The following KCNQ5 variants were observed in gnomAD, a reference collection of about 807,000 sequenced individuals.
KCNQ5 encodes the protein potassium voltage-gated channel subfamily Q member 5.
A neutral mutation model predicts 98.2 loss-of-function variants in KCNQ5; 30 were observed. The ratio of observed to expected loss-of-function variants is 0.31; its 90% CI spans 0.23 to 0.41. The LOEUF (loss-of-function observed/expected upper bound fraction) is 0.41. KCNQ5 is among the 10% of genes least tolerant of loss of function. The pLI, the probability that KCNQ5 is intolerant of heterozygous loss-of-function variation, is 1.00. For synonymous variants in KCNQ5, 458 were observed against 449.4 expected (o/e 1.02, Z -0.24); for missense variants, 835 against 1,182.5 (o/e 0.71, Z 4.31).
intron 1 of KCNQ5, among the ~76,000 whole-genome samples, chr6:72,641,857 T>C (rs371086337): frequency 7.9e-5 from 12 of 151,900 alleles, no homozygotes; most frequent in African/African-American, 2.9e-4. Context: ...GCATTTCCTA[T>C]TTATCTGAGA....
rs1255181523 is a variant in KCNQ5, at chr6:73,077,363, A to G, written c.658A>G (p.Lys220Glu). 1 of 1,614,020 alleles carries G rather than the reference A, an allele frequency of 6.2e-7. No individual in the cohort carries two copies. The highest frequency in any genetic ancestry group is 8.5e-7 in the Non-Finnish European group (1 of 1,180,002). The change falls in exon 4 of 14, where the codon AAA becomes GAA. Residue 220 changes from lysine to glutamate, a missense_variant. Transcript: ENST00000370398. Reference sequence around the variant, plus strand: ...CGCTTCAATAGCAGTTGTTTCTGCAAAAACTCAGGGTAATATTTTTGCCAC... The same window carrying G: ...CGCTTCAATAGCAGTTGTTTCTGCAGAAACTCAGGGTAATATTTTTGCCAC... ...LIASIAVVSA[K>E]TQGNIFATSA...
intron 13 of KCNQ5, 61 bp downstream of exon 13, chr6:73,192,752 T>C: frequency 8.0e-6 from 11 of 1,367,946 alleles, no homozygotes; most frequent in South Asian, 1.6e-5. Flanking sequence ...AAATTTATTA[T>C]AGGCAATTGT....
chr6:73,182,381 T>C (rs1778433372), intron 11 of KCNQ5, among the ~76,000 whole-genome samples: 1 of 152,172 alleles, frequency 6.6e-6, no homozygotes, highest in African/African-American at 2.4e-5. Flanking sequence ...GTCTAGACTC[T>C]GAGTCGCTCT....
At chr6:73,003,538 T>G (rs1463726396) in intron 1 of KCNQ5, among the ~76,000 whole-genome samples, 1 of 152,136 alleles carries the variant, frequency 6.6e-6, no homozygotes, top group Non-Finnish European at 1.5e-5. Context: ...GAAGAGTGAC[T>G]GCAGTGTGGA....
At chr6:72,868,787 G>A (rs573552661) in intron 1 of KCNQ5, among the ~76,000 whole-genome samples, 1 of 152,282 alleles carries the variant, frequency 6.6e-6, no homozygotes, top group African/African-American at 2.4e-5. Context: ...CGGAAGGTGA[G>A]GCAGCCCCCA....
At chr6:72,675,577 G>C (rs1466785042) in intron 1 of KCNQ5, among the ~76,000 whole-genome samples, 2 of 152,184 alleles carry the variant, frequency 1.3e-5, no homozygotes, top group African/African-American at 4.8e-5. Flanking sequence ...TTAACCATCA[G>C]TAGTTAAGAT....
chr6:72,941,584 TC>T lies in KCNQ5; in HGVS notation c.399-62321del, dbSNP rs375683745. Among the ~76,000 whole-genome samples the T allele has an allele frequency of 4.6e-3, 607 of 130,862 alleles. 30 individuals carry two copies. The highest frequency in any genetic ancestry group is 0.015 in the African/African-American group (517 of 33,580). The allele number at this position is 130,862 out of a possible 152,430, so 85.9% of individuals were successfully genotyped here. A position where few individuals can be genotyped will look rare whatever the true frequency, so the allele number is the denominator to read the frequency against. ...CCTCCTTCCTTCCTCCTTCCCTCCCTCCCTTCCTTCCTCCCTTAATTCCTTC... is the reference window on the plus strand; with the variant it reads ...CCTCCTTCCTTCCTCCTTCCCTCCCTCCTTCCTTCCTCCCTTAATTCCTTC... On this transcript the variant is annotated intron_variant, in intron 1 of 13. Coordinates refer to ENST00000370398, the MANE Select transcript of KCNQ5 (RefSeq NM_019842.4).
chr6:72,855,402 TAAAG>T (rs535012952), intron 1 of KCNQ5, among the ~76,000 whole-genome samples: 4 of 152,014 alleles, frequency 2.6e-5, no homozygotes, highest in Non-Finnish European at 5.9e-5. Context: ...GCAATACAAA[TAAAG>T]AAAGGTACTT....
chr6:73,158,716 G>T (rs1246953185), intron 10 of KCNQ5, among the ~76,000 whole-genome samples: 1 of 152,012 alleles, frequency 6.6e-6, no homozygotes, highest in Non-Finnish European at 1.5e-5. Context: ...CACTAGTACA[G>T]CTAATTTTAT....
intron 1 of KCNQ5, among the ~76,000 whole-genome samples, chr6:72,835,401 A>ATT (rs1029629040): frequency 6.6e-6 from 1 of 152,094 alleles, no homozygotes; most frequent in Admixed American, 6.6e-5. Flanking sequence ...GGTCGAGGCC[A>ATT]TTTTTCCCTT....
At chr6:72,869,608 A>T (rs1399540418) in intron 1 of KCNQ5, among the ~76,000 whole-genome samples, 1 of 152,208 alleles carries the variant, frequency 6.6e-6, no homozygotes, top group Non-Finnish European at 1.5e-5. Context: ...ATTTTGACAC[A>T]GCCTTTTTGA....
In KCNQ5 at chr6:73,194,688, T is replaced by A. The variant is rs771470591; in HGVS notation, c.2073T>A (p.Ile691=). 6.2e-7 allele frequency: 1 copy of A among 1,614,250 alleles called. No homozygotes were observed. The highest frequency in any genetic ancestry group is 1.7e-5 in the Admixed American group (1 of 60,030). The change falls in exon 14 of 14, where the codon ATT becomes ATA. Residue 691 remains isoleucine, a synonymous_variant. Coordinates refer to ENST00000370398, the MANE Select transcript of KCNQ5 (RefSeq NM_019842.4). The part of the protein sequence containing the change: ...SANISRGLQF[I]LTPNEFSAQT... ...ACATCTCGAGAGGCCTGCAGTTCATTCTGACGCCAAATGAGTTCAGTGCCC... is the reference window on the plus strand; with the variant it reads ...ACATCTCGAGAGGCCTGCAGTTCATACTGACGCCAAATGAGTTCAGTGCCC...
At chr6:72,869,334 C>T (rs1581929897) in intron 1 of KCNQ5, among the ~76,000 whole-genome samples, 1 of 152,112 alleles carries the variant, frequency 6.6e-6, no homozygotes. Context: ...GGCCGATGGA[C>T]ACTACAGGCG....
chr6:73,023,674 T>C (rs553985646), intron 2 of KCNQ5, among the ~76,000 whole-genome samples: 1 of 152,334 alleles, frequency 6.6e-6, no homozygotes, highest in East Asian at 1.9e-4. Flanking sequence ...ACCTGCATCA[T>C]TTTCAATGCT....
At chr6:72,758,882 C>T (rs556451393) in intron 1 of KCNQ5, among the ~76,000 whole-genome samples, 2 of 152,168 alleles carry the variant, frequency 1.3e-5, no homozygotes, top group South Asian at 4.2e-4. Context: ...ACTAACTTGG[C>T]TGACTTAAAG....
intron 1 of KCNQ5, among the ~76,000 whole-genome samples, chr6:72,655,028 CTTTCTTTCTT>C (rs1766085447): frequency 2.2e-5 from 1 of 46,370 alleles, no homozygotes; most frequent in African/African-American, 1.0e-4. Flanking sequence ...GTCTGTCTGT[CTTTCTTTCTT>C]TCTTTCTTTC....
In KCNQ5 at chr6:72,987,714, T is replaced by C. The variant is rs1445381785; in HGVS notation, c.399-16194T>C. 7.2e-6 allele frequency: 4 copies of C among 556,298 alleles called. 1 individual carries two copies. The highest frequency in any genetic ancestry group is 1.3e-5 in the Non-Finnish European group (4 of 309,992). The allele number at this position is 556,298 out of a possible 1,614,324, so 34.5% of individuals were successfully genotyped here. ...CCCCCAACAAGATCTTTTATATTCA[T>C]AGGAACGCTTCCAAGTTAGCCAAGC... is the stretch of plus-strand genomic sequence containing the variant. On this transcript the variant is annotated intron_variant, in intron 1 of 13. Transcript: ENST00000370398.
At chr6:73,176,456 C>T (rs1778217321) in intron 11 of KCNQ5, among the ~76,000 whole-genome samples, 1 of 152,318 alleles carries the variant, frequency 6.6e-6, no homozygotes, top group Non-Finnish European at 1.5e-5. Flanking sequence ...GCCAATGAAA[C>T]CTCTTTTATT....
intron 1 of KCNQ5, among the ~76,000 whole-genome samples, chr6:72,880,389 A>G (rs1197119803): frequency 6.6e-6 from 1 of 152,160 alleles, no homozygotes; most frequent in Non-Finnish European, 1.5e-5. Flanking sequence ...TGCCTGTTTT[A>G]TAAGAGCACT....
Sources: allele counts gnomAD v4.1 joint callset (sites outside exome capture counted in the v4.1 genomes callset), GRCh38; gene constraint gnomAD v4.1.1; transcripts MANE v1.5; gene names NCBI Gene and HGNC (gene_info 2026-07-23, HGNC 2026-07-21).